SLC36A4: variants seen among roughly 807,000 people sequenced by gnomAD.
SLC36A4 encodes solute carrier family 36 member 4.
SLC36A4 carries 49 observed loss-of-function variants against 50.5 expected under a neutral mutation model. The observed-to-expected ratio is 0.97, with a 90% CI of 0.77 to 1.23. SLC36A4 has a LOEUF of 1.23. Ranked by LOEUF, SLC36A4 falls within the 50% of genes most tolerant of loss-of-function variation. The probability of loss-of-function intolerance (pLI) is 0.00; values close to 1 mark genes in which losing one functional copy is unlikely to be tolerated. For missense variants in SLC36A4, 611 were observed against 608.4 expected (o/e 1.00, Z -0.05); for synonymous variants, 207 against 206.5 (o/e 1.00, Z -0.02).
chr11:93,154,077 T>G (rs772554735), intron 10 of SLC36A4, 31 bp downstream of exon 10: 7 of 1,004,388 alleles, frequency 7.0e-6, no homozygotes, highest in Non-Finnish European at 8.3e-6. Context: ...AATAAAAAAT[T>G]ATTATGATAT....
rs1254613634 is a variant in SLC36A4 at position 93,197,813 on chromosome 11, G to T, written c.20C>A (p.Pro7Gln). The T allele has an allele frequency of 1.3e-6, 2 of 1,581,204 alleles. No homozygotes were observed. Residue 7 changes from proline to glutamine, a missense_variant, in exon 1 of 11, where the codon CCG becomes CAG. By Grantham distance (76) the Pro-to-Gln change is moderately conservative (BLOSUM62 -1). Coordinates refer to ENST00000326402, the MANE Select transcript of SLC36A4 (RefSeq NM_152313.4). MEAAAT[P>Q]AAAGAARREE... ...GCGCCTCGCCGCCCCGGCAGCCGCC[G>T]GCGTCGCCGCCGCTTCCATCTCTCG...
chr11:93,148,523 T>G lies in SLC36A4; in HGVS notation c.*14A>C, dbSNP rs371819902. The G allele has an allele frequency of 1.9e-6, 3 of 1,594,148 alleles. No homozygotes were observed. The South Asian group carries it at 3.5e-5, about 18-fold the overall frequency. ...AAATGGGACAAAAATAGAAGACTCA[T>G]GATTCTGCTTTTACTATTTCAAACC... On this transcript the variant is annotated 3_prime_UTR_variant, in exon 11 of 11. Transcript: ENST00000326402.
chr11:93,170,894 T>C (rs1444733254), intron 6 of SLC36A4, among the ~76,000 whole-genome samples: 7 of 152,022 alleles, frequency 4.6e-5, no homozygotes, highest in East Asian at 3.9e-4. Flanking sequence ...AAACCCTTAA[T>C]TTTGGGGGTT....
rs2134660561 is a variant in SLC36A4, at chr11:93,167,977, G to T, written c.735C>A (p.Val245=). ...LSFLANVSMA[V]SLVIIYQYVV... is the part of the protein sequence containing the mutation. ...CATACTGGTAAATTATCACAAGACT[G>T]ACAGCCATGGAAACGTTGGCAAGGA... Residue 245 remains valine, a synonymous_variant, in exon 7 of 11, where the codon GTC becomes GTA. Transcript: ENST00000326402. The T allele has an allele frequency of 1.2e-6, 2 of 1,611,136 alleles. No individual in the cohort carries two copies. The highest frequency in any genetic ancestry group is 4.5e-5 in the East Asian group (2 of 44,766).
intron 5 of SLC36A4, among the ~76,000 whole-genome samples, chr11:93,181,330 A>G (rs1270235146): frequency 6.6e-6 from 1 of 152,004 alleles, no homozygotes; most frequent in East Asian, 1.9e-4. Context: ...AGACTGCAAC[A>G]TTTTTCTTGT....
At position 93,145,214 on chromosome 11, in the gene SLC36A4, GA is replaced by G. The variant is rs1190143926; in HGVS notation, c.*3322del. The G allele has an allele frequency of 6.6e-6, 1 of 152,006 alleles. No homozygotes were observed. The highest frequency in any genetic ancestry group is 1.9e-4 in the East Asian group (1 of 5,156). The allele number at this position is 152,006 out of a possible 1,614,324, so 9.4% of individuals were successfully genotyped here. Reference sequence around the variant, plus strand: ...TAAAGAGATTTTACATAACTACTATGAAACTACTAAGATTAGACACTGTTAG... The same window carrying G: ...TAAAGAGATTTTACATAACTACTATGAACTACTAAGATTAGACACTGTTAG... On this transcript the variant is annotated 3_prime_UTR_variant, in exon 11 of 11. Coordinates refer to ENST00000326402, the MANE Select transcript of SLC36A4 (RefSeq NM_152313.4).
At chr11:93,165,084 T>G (rs1372105356) in intron 8 of SLC36A4, among the ~76,000 whole-genome samples, 2 of 152,176 alleles carry the variant, frequency 1.3e-5, no homozygotes, top group African/African-American at 4.8e-5. Flanking sequence ...TGTAAGAATT[T>G]GGGAGAATTA....
At position 93,162,779 on chromosome 11, in the gene SLC36A4, C is replaced by G. The variant is rs1044692929; in HGVS notation, c.964G>C (p.Ala322Pro). 6.2e-7 allele frequency: 1 copy of G among 1,613,430 alleles called. No individual in the cohort carries two copies. Among genetic ancestry groups the G allele is most frequent in the Non-Finnish European group, 8.5e-7 (1 of 1,179,740 alleles). Residue 322 changes from alanine (A) to proline (P), a missense_variant, in exon 9 of 11, where the codon GCT becomes CCT. Physicochemically the swap from Ala to Pro is conservative, Grantham distance 27. Coordinates refer to ENST00000326402, the MANE Select transcript of SLC36A4 (RefSeq NM_152313.4). ...GIVTTLYVTL[A>P]TLGYMCFHDE... ...TGGAAACACATATATCCTAAAGTAGCTAATGTTACATACAAAGTTGTAACA... is the reference window on the plus strand; with the variant it reads ...TGGAAACACATATATCCTAAAGTAGGTAATGTTACATACAAAGTTGTAACA...
rs185560901 is a variant in SLC36A4, at chr11:93,181,010, C to G, written c.456-129G>C. On this transcript the variant is annotated intron_variant, in intron 5 of 10. Transcript: ENST00000326402. Reference sequence around the variant, plus strand: ...ATTCTCCTACTCAGTATGTCAGGAACTCAGAGCAGTTCATGCCAAATCTAA... The same window carrying G: ...ATTCTCCTACTCAGTATGTCAGGAAGTCAGAGCAGTTCATGCCAAATCTAA... The G allele has an allele frequency of 1.7e-3, 1,168 of 676,462 alleles. 7 individuals are homozygous for G. Among genetic ancestry groups the G allele is most frequent in the Non-Finnish European group, 2.1e-3 (822 of 396,344 alleles). The allele number at this position is 676,462 out of a possible 1,614,324, so 41.9% of individuals were successfully genotyped here.
intron 6 of SLC36A4, among the ~76,000 whole-genome samples, chr11:93,172,677 T>C (rs906485326): frequency 2.3e-4 from 32 of 141,826 alleles, no homozygotes; most frequent in Non-Finnish European, 7.6e-5. Flanking sequence ...TTCCCACCTA[T>C]GAGTGAGAAT....
At chr11:93,174,313 G>C (rs1395349360) in intron 6 of SLC36A4, among the ~76,000 whole-genome samples, 1 of 150,050 alleles carries the variant, frequency 6.7e-6, no homozygotes, top group Non-Finnish European at 1.5e-5. Context: ...CTGAGACTTT[G>C]CTGAAGTTGC....
intron 3 of SLC36A4, 107 bp downstream of exon 3, chr11:93,184,323 T>C: frequency 5.4e-6 from 4 of 734,004 alleles, no homozygotes; most frequent in Non-Finnish European, 9.5e-6. Context: ...TAAATGATCA[T>C]CTAAATGTCA....
chr11:93,177,900 T>C (rs1006216474), intron 6 of SLC36A4, among the ~76,000 whole-genome samples: 4 of 152,218 alleles, frequency 2.6e-5, no homozygotes, highest in African/African-American at 9.6e-5. Flanking sequence ...TATTCAAAGC[T>C]GTCAGAGAGG....
At chr11:93,185,855 A>G (rs1861962735) in intron 1 of SLC36A4, 41 bp from the exon 2 acceptor site, 3 of 1,518,408 alleles carry the variant, frequency 2.0e-6, no homozygotes, top group African/African-American at 2.8e-5. Context: ...ATTGCTTAAA[A>G]AAGTTGGATA....
rs1044513057 is a variant in SLC36A4, at chr11:93,181,789, G to A, written c.360-3C>T. On this transcript the variant is annotated splice_polypyrimidine_tract_variant and splice_region_variant and intron_variant, in intron 4 of 10. Transcript: ENST00000326402. Reference sequence around the variant, plus strand: ...AACCTAATGTTGACTTTTTAAACCTGTAATTTAATGACATACATACAAAGG... The same window carrying A: ...AACCTAATGTTGACTTTTTAAACCTATAATTTAATGACATACATACAAAGG... The A allele has an allele frequency of 2.6e-6, 4 of 1,550,986 alleles. No homozygotes were observed. Among genetic ancestry groups the A allele is most frequent in the East Asian group, 4.6e-5 (2 of 43,636 alleles).
intron 4 of SLC36A4, among the ~76,000 whole-genome samples, chr11:93,182,542 T>C (rs1023884580): frequency 3.9e-5 from 6 of 152,102 alleles, no homozygotes; most frequent in Admixed American, 1.3e-4. Flanking sequence ...ACTGTCTCCA[T>C]TGCCTCTATA....
chr11:93,178,950 T>A (rs963043491), intron 6 of SLC36A4, among the ~76,000 whole-genome samples: 1 of 152,198 alleles, frequency 6.6e-6, no homozygotes, highest in African/African-American at 2.4e-5. Flanking sequence ...ACCCTAAGGT[T>A]ACCATTCCTT....
chr11:93,189,868 T>A (rs1028869735), intron 1 of SLC36A4, among the ~76,000 whole-genome samples: 1 of 152,224 alleles, frequency 6.6e-6, no homozygotes, highest in Non-Finnish European at 1.5e-5. Flanking sequence ...ATTGAAGAGT[T>A]TATTTTTAAT....
At chr11:93,159,066 T>C (rs966601551) in intron 9 of SLC36A4, among the ~76,000 whole-genome samples, 2 of 152,060 alleles carry the variant, frequency 1.3e-5, no homozygotes, top group African/African-American at 4.8e-5. Context: ...TCAAAATAGA[T>C]ATGGATAGGT....
Sources: allele counts gnomAD v4.1 joint callset (sites outside exome capture counted in the v4.1 genomes callset), GRCh38; gene constraint gnomAD v4.1.1; transcripts MANE v1.5; gene names NCBI Gene and HGNC (gene_info 2026-07-23, HGNC 2026-07-21).